Variants in ASIC2 observed in about 807,000 individuals in gnomAD.
ASIC2 encodes the protein acid-sensing ion channel 2.
A neutral mutation model predicts 57.3 loss-of-function variants in ASIC2; 25 were observed. The observed-to-expected ratio is 0.44, with a 90% CI of 0.32 to 0.61. ASIC2 has a LOEUF of 0.61. Among genes scored for constraint, ASIC2 ranks in the 20% least tolerant of loss-of-function variants. The probability of loss-of-function intolerance (pLI) is 0.06; values close to 1 mark genes in which losing one functional copy is unlikely to be tolerated. For missense variants in ASIC2, 641 were observed against 738.1 expected, an observed-to-expected ratio of 0.87 and a Z score of 1.52; for synonymous variants, 319 against 307.5, an observed-to-expected ratio of 1.04 and a Z score of -0.39.
chr17:33,327,752 T>C (rs554532612), intron 1 of ASIC2, among the ~76,000 whole-genome samples: 1 of 152,336 alleles, frequency 6.6e-6, no homozygotes, highest in South Asian at 2.1e-4. Flanking sequence ...TGGAAACATA[T>C]GTTGAAGTCC....
intron 1 of ASIC2, among the ~76,000 whole-genome samples, chr17:33,927,071 G>C (rs1915838525): frequency 6.6e-6 from 1 of 152,156 alleles, no homozygotes; most frequent in South Asian, 2.1e-4. Flanking sequence ...TGGGATTACA[G>C]TCATGTGCCA....
intron 1 of ASIC2, among the ~76,000 whole-genome samples, chr17:33,586,303 G>A (rs1339690476): frequency 6.6e-6 from 1 of 152,038 alleles, no homozygotes; most frequent in African/African-American, 2.4e-5. Flanking sequence ...CCATCTAGGG[G>A]GGCAGGGGGA....
intron 3 of ASIC2, among the ~76,000 whole-genome samples, chr17:33,086,012 C>T (rs1244213656): frequency 6.6e-6 from 1 of 152,038 alleles, no homozygotes; most frequent in Non-Finnish European, 1.5e-5. Context: ...GCAAATTTGC[C>T]CTCCGAAGCT....
chr17:33,284,166 C>G (rs1280009651), intron 1 of ASIC2, among the ~76,000 whole-genome samples: 1 of 152,284 alleles, frequency 6.6e-6, no homozygotes, highest in East Asian at 1.9e-4. Flanking sequence ...AGATATTTGA[C>G]ATGCTCAGAA....
At chr17:33,381,093 T>C (rs1428661296) in intron 1 of ASIC2, among the ~76,000 whole-genome samples, 1 of 152,188 alleles carries the variant, frequency 6.6e-6, no homozygotes, top group East Asian at 1.9e-4. Context: ...CAGCAGGAGC[T>C]TGTAGCACTT....
intron 1 of ASIC2, among the ~76,000 whole-genome samples, chr17:33,722,730 T>A (rs536449048): frequency 1.3e-5 from 2 of 152,236 alleles, no homozygotes; most frequent in African/African-American, 4.8e-5. Flanking sequence ...GCCATTGCAC[T>A]GCAGCCGGGG....
rs557944579 is a variant in ASIC2 at position 33,330,479 on chromosome 17, A to C, written c.556-218412T>G. 2.6e-5 allele frequency among the ~76,000 whole-genome samples: 4 copies of C among 152,290 alleles called. No homozygotes were observed. The East Asian group carries it at 7.7e-4, about 29-fold the overall frequency. ...CTGTACACAGACATTCACCACGATG[A>C]GTCCTCATGACACCTTCGGGCTCAG... On this transcript the variant is annotated intron_variant, in intron 1 of 9. Coordinates refer to the ASIC2 transcript ENST00000359872.
chr17:33,204,062 C>T (rs1906972766), intron 1 of ASIC2, among the ~76,000 whole-genome samples: 2 of 152,130 alleles, frequency 1.3e-5, no homozygotes, highest in Admixed American at 1.3e-4. Flanking sequence ...AATGGTGAGA[C>T]CTGGAGGAGT....
chr17:33,606,201 C>T (rs760475919), intron 1 of ASIC2, among the ~76,000 whole-genome samples: 9 of 152,056 alleles, frequency 5.9e-5, no homozygotes, highest in Non-Finnish European at 1.0e-4. Flanking sequence ...CTGATTTGGC[C>T]GACAGAAAGG....
At chr17:33,301,014 ATTTAT>A (rs964347591) in intron 1 of ASIC2, among the ~76,000 whole-genome samples, 2 of 21,566 alleles carry the variant, frequency 9.3e-5, no homozygotes, top group African/African-American at 5.3e-4. Flanking sequence ...TTATTCATTT[ATTTAT>A]TTATTTATTT....
intron 1 of ASIC2, among the ~76,000 whole-genome samples, chr17:33,200,538 A>T (rs919191830): frequency 6.6e-6 from 1 of 152,168 alleles, no homozygotes; most frequent in African/African-American, 2.4e-5. Context: ...TGGAAGCTTC[A>T]TCTTTCATTG....
At chr17:33,351,996 C>A (rs200025296) in intron 1 of ASIC2, among the ~76,000 whole-genome samples, 1 of 152,048 alleles carries the variant, frequency 6.6e-6, no homozygotes, top group African/African-American at 2.4e-5. Context: ...CAGGACTCAC[C>A]GCCTGTCTGA....
At chr17:33,447,682 T>C (rs139118108) in intron 1 of ASIC2, among the ~76,000 whole-genome samples, 6 of 152,166 alleles carry the variant, frequency 3.9e-5, no homozygotes, top group African/African-American at 1.4e-4. Flanking sequence ...TCAAGAGAGA[T>C]ACAAAAGAGG....
At chr17:33,061,968 T>C (rs1410623081) in intron 3 of ASIC2, among the ~76,000 whole-genome samples, 1 of 152,242 alleles carries the variant, frequency 6.6e-6, no homozygotes. Context: ...TATAATATTC[T>C]CTGATGGTAG....
intron 1 of ASIC2, among the ~76,000 whole-genome samples, chr17:33,392,602 C>T (rs1441578796): frequency 6.6e-6 from 1 of 152,018 alleles, no homozygotes; most frequent in East Asian, 1.9e-4. Flanking sequence ...CCTCCCCTGA[C>T]CTCCTCCCCT....
intron 1 of ASIC2, among the ~76,000 whole-genome samples, chr17:33,724,976 A>G (rs115146561): frequency 0.017 from 2,531 of 152,330 alleles, 68 homozygotes; most frequent in African/African-American, 0.054. Context: ...TGAACTGAAC[A>G]TGCAGCTGCT....
At chr17:33,863,665 A>C (rs1914152863) in intron 1 of ASIC2, among the ~76,000 whole-genome samples, 1 of 152,232 alleles carries the variant, frequency 6.6e-6, no homozygotes, top group Non-Finnish European at 1.5e-5. Context: ...TCCTATAGTC[A>C]GGAACTTATT....
chr17:33,997,776 A>C (rs922720016), intron 1 of ASIC2, among the ~76,000 whole-genome samples: 5 of 147,682 alleles, frequency 3.4e-5, no homozygotes, highest in Admixed American at 1.4e-4. Flanking sequence ...TTGGCTTGCT[A>C]ATTTTTTTTT....
chr17:33,731,597 G>A (rs184550452), intron 1 of ASIC2, among the ~76,000 whole-genome samples: 1 of 152,212 alleles, frequency 6.6e-6, no homozygotes, highest in South Asian at 2.1e-4. Context: ...TTGATGGGAG[G>A]AGTCTATACA....
Sources: gnomAD v4.1 joint callset for allele counts (sites outside exome capture counted in the v4.1 genomes callset) on GRCh38, gnomAD v4.1.1 for gene constraint, MANE v1.5 for transcripts, NCBI Gene and HGNC (gene_info 2026-07-23, HGNC 2026-07-21) for gene names.